Variants in SLIT2 observed in about 807,000 individuals in gnomAD.
SLIT2 encodes the protein slit homolog 2 protein.
Under a neutral mutation model 185.7 loss-of-function variants are expected in SLIT2, and 41 were observed. That is an observed-to-expected ratio of 0.22 (90% CI 0.17 to 0.29). The LOEUF (loss-of-function observed/expected upper bound fraction) is 0.29, where lower values mean the gene tolerates loss of function less well. SLIT2 is among the 10% of genes least tolerant of loss of function. SLIT2 has a pLI of 1.00. For synonymous variants in SLIT2, 693 were observed against 680.2 expected, an observed-to-expected ratio of 1.02 and a Z score of -0.29; for missense variants, 1,571 against 1,909.0, an observed-to-expected ratio of 0.82 and a Z score of 3.30.
intron 30 of SLIT2, 102 bp from the exon 31 acceptor site, chr4:20,595,595 A>C: frequency 1.4e-6 from 2 of 1,443,396 alleles, no homozygotes; most frequent in Non-Finnish European, 1.9e-6. Context: ...GCCTATTCTA[A>C]ATAAGTATTT....
intron 12 of SLIT2, among the ~76,000 whole-genome samples, chr4:20,522,841 G>A (rs1346789550): frequency 1.3e-5 from 2 of 152,256 alleles, no homozygotes; most frequent in South Asian, 4.1e-4. Context: ...GTATGTGCTG[G>A]GCAGTCTGGG....
intron 4 of SLIT2, among the ~76,000 whole-genome samples, chr4:20,381,596 A>T (rs182888368): frequency 7.1e-4 from 108 of 152,288 alleles, no homozygotes; most frequent in African/African-American, 2.4e-3. Flanking sequence ...TAGAAATCTC[A>T]ATTTTCCAAA....
chr4:20,602,708 A>G (rs1020916815), intron 33 of SLIT2, among the ~76,000 whole-genome samples: 2 of 152,184 alleles, frequency 1.3e-5, no homozygotes, highest in African/African-American at 4.8e-5. Flanking sequence ...TAAAAGGAAT[A>G]TGTACTTTGA....
At chr4:20,432,539 T>TAA (rs1729072175) in intron 4 of SLIT2, among the ~76,000 whole-genome samples, 1 of 145,102 alleles carries the variant, frequency 6.9e-6, no homozygotes, top group African/African-American at 2.6e-5. Context: ...TTTTTTTTTT[T>TAA]AATACTTGGC....
chr4:20,344,092 A>T (rs1435351913), intron 4 of SLIT2, among the ~76,000 whole-genome samples: 1 of 151,968 alleles, frequency 6.6e-6, no homozygotes, highest in Non-Finnish European at 1.5e-5. Context: ...CTTGTGATCC[A>T]CTCACCTCGG....
At chr4:20,393,116 G>A (rs1480484140) in intron 4 of SLIT2, among the ~76,000 whole-genome samples, 1 of 151,968 alleles carries the variant, frequency 6.6e-6, no homozygotes, top group Non-Finnish European at 1.5e-5. Context: ...ACATCACGGG[G>A]TGACGGGAAT....
At chr4:20,453,787 AT>A (rs1360357326) in intron 4 of SLIT2, among the ~76,000 whole-genome samples, 8 of 152,212 alleles carry the variant, frequency 5.3e-5, no homozygotes, top group African/African-American at 1.9e-4. Flanking sequence ...CACTTATTCT[AT>A]GCTGAGCACT....
chr4:20,597,003 A>G (rs1199918227), intron 32 of SLIT2, among the ~76,000 whole-genome samples: 4 of 151,500 alleles, frequency 2.6e-5, no homozygotes, highest in African/African-American at 7.3e-5. Context: ...ATCTGCAGCT[A>G]GGAAGGGTGC....
chr4:20,428,912 T>C (rs1393898533), intron 4 of SLIT2, among the ~76,000 whole-genome samples: 9 of 152,224 alleles, frequency 5.9e-5, no homozygotes, highest in Admixed American at 5.9e-4. Flanking sequence ...TCAGTATCAA[T>C]TGGGGATTAG....
At chr4:20,476,313 A>G (rs1288699922) in intron 5 of SLIT2, among the ~76,000 whole-genome samples, 2 of 152,042 alleles carry the variant, frequency 1.3e-5, no homozygotes, top group African/African-American at 2.4e-5. Context: ...CATGTGGTTT[A>G]TATGTTTTAT....
At chr4:20,518,795 A>G (rs1355251239) in intron 11 of SLIT2, among the ~76,000 whole-genome samples, 2 of 141,348 alleles carry the variant, frequency 1.4e-5, no homozygotes, top group Admixed American at 7.3e-5. Flanking sequence ...TTTAGTAGAG[A>G]CGGGGTTTCA....
chr4:20,586,354 TACAGG>T lies in SLIT2; in HGVS notation c.3089-3289_3089-3285del, dbSNP rs538812997. 2.7e-3 allele frequency among the ~76,000 whole-genome samples: 407 copies of T among 152,320 alleles called. 4 individuals are homozygous for T. The highest frequency in any genetic ancestry group is 9.4e-3 in the African/African-American group (391 of 41,576). On this transcript the variant is annotated intron_variant, in intron 29 of 36. Transcript: ENST00000504154. Reference sequence around the variant, plus strand: ...AGGCTAGAATGAAATCTGAGTTGATTACAGGTCAACAAGATAGAGCTCTTGCCTTA... The same window carrying T: ...AGGCTAGAATGAAATCTGAGTTGATTTCAACAAGATAGAGCTCTTGCCTTA...
chr4:20,294,024 T>A (rs1213731355), intron 4 of SLIT2, among the ~76,000 whole-genome samples: 2 of 152,292 alleles, frequency 1.3e-5, no homozygotes, highest in African/African-American at 4.8e-5. Flanking sequence ...GCTTCTCATT[T>A]TTGTTTGTTT....
intron 4 of SLIT2, among the ~76,000 whole-genome samples, chr4:20,402,958 C>T (rs143439100): frequency 2.6e-5 from 4 of 151,506 alleles, no homozygotes; most frequent in African/African-American, 4.8e-5. Flanking sequence ...TCAAATTTCT[C>T]GAGATATATC....
chr4:20,564,581 A>G (rs1224066335), intron 26 of SLIT2, among the ~76,000 whole-genome samples: 2 of 151,950 alleles, frequency 1.3e-5, no homozygotes, highest in African/African-American at 4.8e-5. Context: ...ACTGGGTTTT[A>G]AAAGATATGA....
intron 3 of SLIT2, among the ~76,000 whole-genome samples, chr4:20,266,924 C>T (rs1394979282): frequency 1.3e-5 from 2 of 151,944 alleles, no homozygotes; most frequent in African/African-American, 2.4e-5. Context: ...CTGCAGGGCC[C>T]AGGGGCTTGC....
At chr4:20,338,415 T>C (rs1577458679) in intron 4 of SLIT2, among the ~76,000 whole-genome samples, 1 of 152,154 alleles carries the variant, frequency 6.6e-6, no homozygotes, top group East Asian at 1.9e-4. Flanking sequence ...ATTCAGAAAA[T>C]GACGCTTTGA....
intron 34 of SLIT2, chr4:20,615,333 A>G (rs552910966): frequency 3.3e-5 from 5 of 152,300 alleles, no homozygotes; most frequent in African/African-American, 1.2e-4. Flanking sequence ...TTCACAGCCA[A>G]GAGACTTCAT....
intron 18 of SLIT2, among the ~76,000 whole-genome samples, chr4:20,533,955 A>G (rs1722042610): frequency 6.7e-6 from 1 of 149,630 alleles, no homozygotes; most frequent in African/African-American, 2.5e-5. Context: ...ACACACACAC[A>G]CGTATTGTGA....
Sources: allele counts gnomAD v4.1 joint callset (sites outside exome capture counted in the v4.1 genomes callset), GRCh38; gene constraint gnomAD v4.1.1; transcripts MANE v1.5; gene names NCBI Gene and HGNC (gene_info 2026-07-23, HGNC 2026-07-21).